Variants in EHBP1 observed in about 807,000 individuals in gnomAD.
EHBP1 encodes the protein EH domain binding protein 1.
Under a neutral mutation model 144.0 loss-of-function variants are expected in EHBP1, and 55 were observed. The observed-to-expected ratio is 0.38, with a 90% CI of 0.31 to 0.48. The LOEUF (loss-of-function observed/expected upper bound fraction) is 0.48, where lower values mean the gene tolerates loss of function less well. EHBP1 is among the 20% of genes least tolerant of loss of function. The probability of loss-of-function intolerance (pLI) is 0.98; values close to 1 mark genes in which losing one functional copy is unlikely to be tolerated. For synonymous variants in EHBP1, 469 were observed against 472.7 expected (o/e 0.99, Z 0.10); for missense variants, 1,200 against 1,364.2 (o/e 0.88, Z 1.90).
At chr2:62,992,078 A>G (rs1354855239) in intron 16 of EHBP1, among the ~76,000 whole-genome samples, 2 of 152,202 alleles carry the variant, frequency 1.3e-5, no homozygotes, top group Non-Finnish European at 2.9e-5. Context: ...AGAGGAATAC[A>G]TTTGTAAAGT....
intron 2 of EHBP1, among the ~76,000 whole-genome samples, chr2:62,709,693 G>A (rs564834667): frequency 4.9e-4 from 74 of 152,086 alleles, no homozygotes; most frequent in South Asian, 2.1e-3. Flanking sequence ...CTTATGATAG[G>A]ATCTGGACTT....
At position 63,040,013 on chromosome 2, in the gene EHBP1, C is replaced by T. The variant is rs548250579; in HGVS notation, c.3277+1197C>T. Among the ~76,000 whole-genome samples, 3 of 151,906 alleles carry T rather than the reference C, an allele frequency of 2.0e-5. No homozygotes were observed. The South Asian group carries it at 6.2e-4, about 31-fold the overall frequency. ...ATTTAAGAAGTTCTGTGAAACGTGC[C>T]ATTGAAATAAAGTGCACAACTATAC... On this transcript the variant is annotated intron_variant, in intron 21 of 22. Transcript: ENST00000431489.
chr2:63,016,416 TTTTG>T (rs1194238051), intron 19 of EHBP1, among the ~76,000 whole-genome samples: 1 of 147,380 alleles, frequency 6.8e-6, no homozygotes, highest in Non-Finnish European at 1.5e-5. Flanking sequence ...TTGGGGGGTT[TTTTG>T]TTTGTTTTTC....
chr2:63,009,759 C>T (rs570307420), intron 19 of EHBP1, among the ~76,000 whole-genome samples: 3 of 151,600 alleles, frequency 2.0e-5, no homozygotes, highest in African/African-American at 7.2e-5. Context: ...TCCTTATCCT[C>T]AGGGGATCCC....
At chr2:62,949,901 T>C (rs188427336) in intron 13 of EHBP1, among the ~76,000 whole-genome samples, 106 of 152,262 alleles carry the variant, frequency 7.0e-4, no homozygotes, top group African/African-American at 2.4e-3. Context: ...AAGAACAACA[T>C]TGTCAATAAA....
At chr2:62,743,070 C>T (rs2038862832) in intron 2 of EHBP1, among the ~76,000 whole-genome samples, 1 of 151,942 alleles carries the variant, frequency 6.6e-6, no homozygotes, top group African/African-American at 2.4e-5. Flanking sequence ...GAGGTATTTC[C>T]TCTTGGTTCT....
chr2:62,991,995 G>A (rs1227005099), intron 16 of EHBP1, among the ~76,000 whole-genome samples: 1 of 152,140 alleles, frequency 6.6e-6, no homozygotes, highest in Non-Finnish European at 1.5e-5. Flanking sequence ...TTTCTGCAGT[G>A]GATTTAATGC....
intron 14 of EHBP1, among the ~76,000 whole-genome samples, chr2:62,969,064 A>T (rs2058374503): frequency 7.1e-6 from 1 of 141,766 alleles, no homozygotes; most frequent in Admixed American, 7.2e-5. Context: ...TTTCACAAAG[A>T]AAAGAGGAAT....
At chr2:62,937,096 A>G (rs930663532) in intron 10 of EHBP1, among the ~76,000 whole-genome samples, 3 of 152,230 alleles carry the variant, frequency 2.0e-5, no homozygotes, top group African/African-American at 7.2e-5. Context: ...GTTTGGGTTA[A>G]TTGCCTTTTT....
intron 10 of EHBP1, among the ~76,000 whole-genome samples, chr2:62,925,012 T>C (rs2055383008): frequency 6.6e-6 from 1 of 152,208 alleles, no homozygotes; most frequent in Admixed American, 6.5e-5. Context: ...AACTCCACCA[T>C]GACCAAGTGG....
chr2:62,750,893 A>G (rs537256608), intron 3 of EHBP1, among the ~76,000 whole-genome samples: 2 of 152,246 alleles, frequency 1.3e-5, no homozygotes, highest in South Asian at 4.1e-4. Context: ...GCTGAGACAA[A>G]TGGGGTTTTC....
chr2:62,867,512 A>G (rs1325214292), intron 9 of EHBP1, among the ~76,000 whole-genome samples: 2 of 152,202 alleles, frequency 1.3e-5, no homozygotes, highest in Admixed American at 1.3e-4. Flanking sequence ...TCAGGGATAA[A>G]TTTGAACAAA....
chr2:62,930,985 C>T (rs1402497516), intron 10 of EHBP1, among the ~76,000 whole-genome samples: 1 of 152,004 alleles, frequency 6.6e-6, no homozygotes, highest in Non-Finnish European at 1.5e-5. Flanking sequence ...TGGGTAGACA[C>T]CAAAGGCACA....
chr2:62,998,986 G>T lies in EHBP1; in HGVS notation c.3103+2220G>T, dbSNP rs1433286520. Among the ~76,000 whole-genome samples, 3 of 152,086 alleles carry T rather than the reference G, an allele frequency of 2.0e-5. No individual in the cohort carries two copies. The East Asian group carries it at 5.8e-4, about 29-fold the overall frequency. ...GGTACATTCATCCTTTTCTCTTTTG[G>T]GTTCCAGTTTATTCCAACTTTTTAT... On this transcript the variant is annotated intron_variant, in intron 19 of 22. Transcript: ENST00000431489.
chr2:62,707,943 T>C (rs2034759719), intron 2 of EHBP1, among the ~76,000 whole-genome samples: 1 of 152,202 alleles, frequency 6.6e-6, no homozygotes, highest in Non-Finnish European at 1.5e-5. Context: ...TTTTTTCCAC[T>C]TGAGAAGAGT....
chr2:62,987,894 A>G, intron 15 of EHBP1: 1 of 1,126,606 alleles, frequency 8.9e-7, no homozygotes, highest in South Asian at 1.5e-5. Flanking sequence ...ATAAAATATA[A>G]ATAATATACT....
At chr2:62,944,055 A>G (rs1473948481) in intron 12 of EHBP1, among the ~76,000 whole-genome samples, 1 of 152,236 alleles carries the variant, frequency 6.6e-6, no homozygotes, top group Non-Finnish European at 1.5e-5. Context: ...GGTTGGCATC[A>G]TATTATAATA....
chr2:62,986,688 C>CA (rs2059205985), intron 15 of EHBP1, among the ~76,000 whole-genome samples: 1 of 152,116 alleles, frequency 6.6e-6, no homozygotes, highest in South Asian at 2.1e-4. Flanking sequence ...CCACCTGCCT[C>CA]AGCCTCCCAA....
At chr2:62,929,405 G>A (rs1316919628) in intron 10 of EHBP1, among the ~76,000 whole-genome samples, 1 of 152,142 alleles carries the variant, frequency 6.6e-6, no homozygotes, top group Non-Finnish European at 1.5e-5. Flanking sequence ...TATGCCTGGA[G>A]TGCAAGGATG....
Sources: gnomAD v4.1 joint callset for allele counts (sites outside exome capture counted in the v4.1 genomes callset) on GRCh38, gnomAD v4.1.1 for gene constraint, MANE v1.5 for transcripts, NCBI Gene and HGNC (gene_info 2026-07-23, HGNC 2026-07-21) for gene names.